EXOC6B: variants seen among roughly 807,000 people sequenced by gnomAD.
The protein encoded by EXOC6B is exocyst complex component 6B.
EXOC6B carries 54 observed loss-of-function variants against 113.5 expected under a neutral mutation model. The ratio of observed to expected loss-of-function variants is 0.48; its 90% CI spans 0.38 to 0.60. The LOEUF (loss-of-function observed/expected upper bound fraction) is 0.60, where lower values mean the gene tolerates loss of function less well. EXOC6B is among the 20% of genes least tolerant of loss of function. The pLI is 0.00. For missense variants in EXOC6B, 797 were observed against 977.5 expected (o/e 0.82, Z 2.46); for synonymous variants, 357 against 339.0 (o/e 1.05, Z -0.58).
intron 20 of EXOC6B, among the ~76,000 whole-genome samples, chr2:72,285,135 T>A (rs2104686547): frequency 6.6e-6 from 1 of 152,220 alleles, no homozygotes; most frequent in African/African-American, 2.4e-5. Context: ...AAAGTTTATA[T>A]GAAGAGGCAA....
In EXOC6B at chr2:72,705,253, A is replaced by G. The variant is rs567105786; in HGVS notation, c.669+12850T>C. Among the ~76,000 whole-genome samples, 5 of 152,322 alleles carry G rather than the reference A, an allele frequency of 3.3e-5. No homozygotes were observed. In the East Asian group the frequency reaches 9.6e-4, roughly 29 times the overall value. On this transcript the variant is annotated intron_variant, in intron 6 of 21. Coordinates refer to ENST00000272427, the MANE Select transcript of EXOC6B (RefSeq NM_015189.3). ...CACAATTATCTCAATAGATGCAGAA[A>G]AAGCCTTTGACAAAATTCAACAACG...
chr2:72,292,304 CT>C, intron 20 of EXOC6B, among the ~76,000 whole-genome samples: 1 of 151,966 alleles, frequency 6.6e-6, no homozygotes, highest in South Asian at 2.1e-4. Context: ...AGCTGTCCCT[CT>C]GTTGCATAGT....
intron 6 of EXOC6B, among the ~76,000 whole-genome samples, chr2:72,608,058 T>A (rs933603113): frequency 1.3e-5 from 2 of 152,124 alleles, no homozygotes; most frequent in Non-Finnish European, 2.9e-5. Flanking sequence ...TTAAAGGAAC[T>A]AAATGATGCT....
At chr2:72,745,064 G>A (rs1222510667) in intron 1 of EXOC6B, among the ~76,000 whole-genome samples, 1 of 152,124 alleles carries the variant, frequency 6.6e-6, no homozygotes, top group Non-Finnish European at 1.5e-5. Flanking sequence ...TACTAGCTTA[G>A]CTTTAAGTAT....
chr2:72,436,487 G>A (rs988840509), intron 18 of EXOC6B, among the ~76,000 whole-genome samples: 10 of 152,160 alleles, frequency 6.6e-5, no homozygotes, highest in Non-Finnish European at 1.5e-5. Context: ...ATATCCTGAA[G>A]TGTGTTTTCC....
At chr2:72,535,752 C>A (rs977034248) in intron 8 of EXOC6B, among the ~76,000 whole-genome samples, 4 of 151,684 alleles carry the variant, frequency 2.6e-5, no homozygotes, top group Non-Finnish European at 5.9e-5. Flanking sequence ...TGTCTGTAAT[C>A]CTAGCTACTA....
In EXOC6B at chr2:72,186,838, G is replaced by A. The variant is rs534284036; in HGVS notation, c.2197-2651C>T. On this transcript the variant is annotated intron_variant, in intron 20 of 21. Coordinates refer to ENST00000272427, the MANE Select transcript of EXOC6B (RefSeq NM_015189.3). ...TAGTGGACAGTGGAGAGAAGTTCAT[G>A]GCTTAGCTGTAAGTTATGGGATCTT... 7.9e-5 allele frequency among the ~76,000 whole-genome samples: 12 copies of A among 152,318 alleles called. No individual in the cohort carries two copies. The East Asian group carries it at 2.1e-3, about 27-fold the overall frequency.
intron 8 of EXOC6B, among the ~76,000 whole-genome samples, chr2:72,536,717 T>C (rs938403154): frequency 1.2e-4 from 19 of 152,234 alleles, no homozygotes; most frequent in Non-Finnish European, 2.8e-4. Context: ...CTTTGAGATA[T>C]GGGCCATCAC....
chr2:72,465,427 T>A (rs1427576176), intron 17 of EXOC6B, 88 bp from the exon 18 acceptor site: 7 of 957,432 alleles, frequency 7.3e-6, no homozygotes, highest in African/African-American at 1.7e-5. Flanking sequence ...GACATATCCA[T>A]TAAGTAACTG....
At chr2:72,666,965 C>T (rs1297634358) in intron 6 of EXOC6B, among the ~76,000 whole-genome samples, 3 of 151,994 alleles carry the variant, frequency 2.0e-5, no homozygotes, top group East Asian at 1.9e-4. Context: ...CGGGTTCAAG[C>T]GATTCTCCTG....
At chr2:72,228,471 C>A (rs533002307) in intron 20 of EXOC6B, among the ~76,000 whole-genome samples, 4 of 148,518 alleles carry the variant, frequency 2.7e-5, no homozygotes, top group South Asian at 2.2e-4. Flanking sequence ...CCTGTGTCCA[C>A]GTGTTCTCAT....
chr2:72,467,486 A>G (rs1480883197), intron 17 of EXOC6B, among the ~76,000 whole-genome samples: 2 of 152,138 alleles, frequency 1.3e-5, no homozygotes, highest in African/African-American at 4.8e-5. Flanking sequence ...CATCCTCTCC[A>G]ATACTTACCA....
At chr2:72,630,621 T>C (rs1379209900) in intron 6 of EXOC6B, among the ~76,000 whole-genome samples, 2 of 152,082 alleles carry the variant, frequency 1.3e-5, no homozygotes, top group Non-Finnish European at 2.9e-5. Context: ...CAAACTTCTA[T>C]ATACCCTTCC....
chr2:72,383,957 T>C (rs1048367100), intron 18 of EXOC6B, among the ~76,000 whole-genome samples: 1 of 151,974 alleles, frequency 6.6e-6, no homozygotes, highest in Non-Finnish European at 1.5e-5. Context: ...AAAGAACACA[T>C]GGTCACAAAG....
intron 2 of EXOC6B, among the ~76,000 whole-genome samples, chr2:72,735,447 C>T (rs1680886986): frequency 6.6e-6 from 1 of 152,138 alleles, no homozygotes; most frequent in South Asian, 2.1e-4. Context: ...TCAAGGCACA[C>T]TAAATTAATT....
At chr2:72,336,536 C>A in intron 19 of EXOC6B, among the ~76,000 whole-genome samples, 1 of 147,836 alleles carries the variant, frequency 6.8e-6, no homozygotes. Context: ...TAACAATATA[C>A]ACAATTCTTA....
At chr2:72,776,476 G>T (rs1210809880) in intron 1 of EXOC6B, among the ~76,000 whole-genome samples, 1 of 151,990 alleles carries the variant, frequency 6.6e-6, no homozygotes, top group Non-Finnish European at 1.5e-5. Flanking sequence ...AATTAGCCAG[G>T]CATGGGGGCA....
chr2:72,688,848 A>G (rs973165441), intron 6 of EXOC6B, among the ~76,000 whole-genome samples: 1 of 152,236 alleles, frequency 6.6e-6, no homozygotes, highest in African/African-American at 2.4e-5. Context: ...ACAGGGGTCC[A>G]AACATTATCA....
In EXOC6B at chr2:72,188,046, T is replaced by C. The variant is rs1211144757; in HGVS notation, c.2197-3859A>G. Among the ~76,000 whole-genome samples the C allele has an allele frequency of 3.9e-5, 6 of 152,210 alleles. No individual in the cohort carries two copies. The East Asian group carries it at 1.2e-3, about 30-fold the overall frequency. On this transcript the variant is annotated intron_variant, in intron 20 of 21. Coordinates refer to ENST00000272427, the MANE Select transcript of EXOC6B (RefSeq NM_015189.3). ...CAGCCACAGTTTGGGTGGCTGCAGC[T>C]GTGCTGGGGGTGGAGGACCGGGTTC...
Sources: gnomAD v4.1 joint callset for allele counts (sites outside exome capture counted in the v4.1 genomes callset) on GRCh38, gnomAD v4.1.1 for gene constraint, MANE v1.5 for transcripts, NCBI Gene and HGNC (gene_info 2026-07-23, HGNC 2026-07-21) for gene names.